Variants in ZNF286A observed in about 807,000 individuals in gnomAD.
ZNF286A encodes the protein zinc finger protein 286A, also known as zinc finger protein ZNF286.
Under a neutral mutation model 49.3 loss-of-function variants are expected in ZNF286A, and 34 were observed. That is an observed-to-expected ratio of 0.69 (90% CI 0.52 to 0.92). ZNF286A has a LOEUF of 0.92. Among genes scored for constraint, ZNF286A ranks in the 40% least tolerant of loss-of-function variants. The pLI is 0.00. For synonymous variants in ZNF286A, 155 were observed against 200.4 expected (o/e 0.77, Z 1.91); for missense variants, 462 against 600.2 (o/e 0.77, Z 2.41).
chr17:15,711,866 C>T (rs559963724), intron 5 of ZNF286A, among the ~76,000 whole-genome samples: 2 of 103,502 alleles, frequency 1.9e-5, no homozygotes, highest in East Asian at 6.3e-4. Flanking sequence ...ATCTGCCCCC[C>T]CCCCGGCTTT....
chr17:15,713,802 A>G (rs1289212505), intron 5 of ZNF286A, among the ~76,000 whole-genome samples: 1 of 141,798 alleles, frequency 7.1e-6, no homozygotes, highest in Non-Finnish European at 1.6e-5. Context: ...GGTAAATAGA[A>G]GTTTTCCAAA....
At position 15,719,302 on chromosome 17, in the gene ZNF286A, T is replaced by A. The variant is rs1967256167; in HGVS notation, c.*2012T>A. ...CCACCTGTTTCTCAGAAGAAAATTTTATTGGAACTCAGCCACACTTACTCA... is the reference window on the plus strand; with the variant it reads ...CCACCTGTTTCTCAGAAGAAAATTTAATTGGAACTCAGCCACACTTACTCA... On this transcript the variant is annotated 3_prime_UTR_variant, in exon 6 of 6. Coordinates refer to ENST00000583566, the MANE Select transcript of ZNF286A (RefSeq NM_001130842.2). The A allele has an allele frequency of 7.5e-6, 1 of 133,386 alleles. No homozygotes were observed. Among genetic ancestry groups the A allele is most frequent in the Admixed American group, 7.4e-5 (1 of 13,448 alleles). 8.3% of individuals were successfully genotyped at this position (133,386 alleles called of 1,614,324 possible).
rs1408177066 is a variant in ZNF286A at position 15,718,978 on chromosome 17, ACT to A, written c.*1691_*1692del. The A allele has an allele frequency of 7.8e-6, 1 of 127,832 alleles. No individual in the cohort carries two copies. The highest frequency in any genetic ancestry group is 3.2e-5 in the African/African-American group (1 of 30,928). The allele number at this position is 127,832 out of a possible 1,614,324, so 7.9% of individuals were successfully genotyped here. ...TTTTATGCAACCAAATCTCATGAGAACTCTATCACGAGACAGCAGTAGGGGGA... is the reference window on the plus strand; with the variant it reads ...TTTTATGCAACCAAATCTCATGAGAACTATCACGAGACAGCAGTAGGGGGA... On this transcript the variant is annotated 3_prime_UTR_variant, in exon 6 of 6. Coordinates refer to ENST00000583566, the MANE Select transcript of ZNF286A (RefSeq NM_001130842.2).
rs773583358 is a variant in ZNF286A at position 15,717,107 on chromosome 17, T to G, written c.1383T>G (p.Ile461Met). Reference protein sequence around the residue: ...SNFAKHQRIHIGKKPYKCSEC... With the variant: ...SNFAKHQRIHMGKKPYKCSEC... ...TTGCTAAACATCAAAGAATTCATAT[T>G]GGAAAGAAACCGTACAAATGTAGCG... Residue 461 changes from isoleucine to methionine, a missense_variant, in exon 6 of 6, where the codon ATT (isoleucine) becomes ATG (methionine). By Grantham distance (10) the Ile-to-Met change is conservative. Transcript: ENST00000583566. 4 of 1,613,884 alleles carry G rather than the reference T, an allele frequency of 2.5e-6. No homozygotes were observed. Among genetic ancestry groups the G allele is most frequent in the Non-Finnish European group, 2.5e-6 (3 of 1,180,016 alleles).
chr17:15,707,128 T>C (rs572721057), intron 4 of ZNF286A, among the ~76,000 whole-genome samples: 2 of 152,130 alleles, frequency 1.3e-5, no homozygotes, highest in Admixed American at 6.5e-5. Flanking sequence ...AAACCTTATG[T>C]AAAAAAATCC....
chr17:15,701,221 G>T lies in ZNF286A; in HGVS notation c.107G>T (p.Arg36Leu). 4.3e-6 allele frequency: 7 copies of T among 1,614,062 alleles called. No homozygotes were observed. The highest frequency in any genetic ancestry group is 5.9e-6 in the Non-Finnish European group (7 of 1,180,014). ...GAAGAGGGAGAAGTGGCTGCTCTGCGCCTCACGGCCAGATCCCAGGTGAGT... is the reference window on the plus strand; with the variant it reads ...GAAGAGGGAGAAGTGGCTGCTCTGCTCCTCACGGCCAGATCCCAGGTGAGT... Reference protein sequence around the residue: ...STEEGEVAALRLTARSQETVT... With the variant: ...STEEGEVAALLLTARSQETVT... Residue 36 changes from arginine to leucine, a missense_variant, in exon 3 of 6, where the codon CGC becomes CTC. Transcript: ENST00000583566.
At position 15,716,681 on chromosome 17, in the gene ZNF286A, T is replaced by C. The variant is rs779221657; in HGVS notation, c.957T>C (p.Ile319=). 3.7e-6 allele frequency: 6 copies of C among 1,613,882 alleles called. No individual in the cohort carries two copies. Among genetic ancestry groups the C allele is most frequent in the Middle Eastern group, 3.3e-4 (2 of 6,082 alleles). The change falls in exon 6 of 6, where the codon ATT becomes ATC. Residue 319 remains isoleucine, a synonymous_variant. Transcript: ENST00000583566. ...ESSSLATHQR[I]HVGERPYECN... ...CATCCCTTGCAACACATCAGAGAAT[T>C]CACGTTGGAGAGAGACCTTATGAAT...
chr17:15,709,921 T>G, intron 5 of ZNF286A: 1 of 1,523,356 alleles, frequency 6.6e-7, no homozygotes, highest in Non-Finnish European at 8.8e-7. Flanking sequence ...ATCACATGTT[T>G]AGCTTTACTA....
intron 5 of ZNF286A, chr17:15,711,486 T>C (rs1990642870): frequency 6.6e-6 from 1 of 152,180 alleles, no homozygotes; most frequent in South Asian, 2.1e-4. Flanking sequence ...ACTTGAGTAC[T>C]TACATGGGCC....
intron 5 of ZNF286A, among the ~76,000 whole-genome samples, chr17:15,714,602 A>G (rs1308720943): frequency 1.3e-5 from 2 of 152,146 alleles, no homozygotes; most frequent in Non-Finnish European, 1.5e-5. Context: ...TCTCTTACAC[A>G]TAAGGAAACC....
chr17:15,707,467 T>A (rs1257571277), intron 4 of ZNF286A, among the ~76,000 whole-genome samples: 1 of 151,552 alleles, frequency 6.6e-6, no homozygotes, highest in Non-Finnish European at 1.5e-5. Flanking sequence ...GAAAGTGACT[T>A]CTAATAACTG....
At chr17:15,704,590 G>T in intron 3 of ZNF286A, 4 of 1,614,072 alleles carry the variant, frequency 2.5e-6, no homozygotes, top group Non-Finnish European at 3.4e-6. Flanking sequence ...CAGCTCAGCC[G>T]TCCAGTCCCT....
In ZNF286A at chr17:15,701,337, C is replaced by T. The variant is rs539448250; in HGVS notation, c.126+97C>T. The T allele has an allele frequency of 1.2e-3, 1,215 of 1,054,864 alleles. 2 individuals are homozygous for T. Among genetic ancestry groups the T allele is most frequent in the Non-Finnish European group, 1.2e-3 (893 of 718,304 alleles). The allele number at this position is 1,054,864 out of a possible 1,614,324, so 65.3% of individuals were successfully genotyped here. On this transcript the variant is annotated intron_variant, in intron 3 of 5. Transcript: ENST00000583566. ...TGGAGTTTCTTTATCCACTAAAGCC[C>T]ATCTGCAGAGCTGAGTTCTAAATCT...
chr17:15,707,206 C>T (rs1377033071), intron 4 of ZNF286A, among the ~76,000 whole-genome samples: 2 of 151,724 alleles, frequency 1.3e-5, no homozygotes, highest in South Asian at 2.1e-4. Flanking sequence ...TTTGGGAGGC[C>T]GAGGCGGGTG....
chr17:15,706,710 C>T (rs1447194309), intron 4 of ZNF286A, among the ~76,000 whole-genome samples: 1 of 152,116 alleles, frequency 6.6e-6, no homozygotes, highest in Non-Finnish European at 1.5e-5. Flanking sequence ...GTTTAAGTGA[C>T]AGAAACTTAA....
Position 15,702,430 on chromosome 17 carries a change from A to G in ZNF286A, c.126+1190A>G, listed in dbSNP as rs1474977804. On this transcript the variant is annotated intron_variant, in intron 3 of 5. Coordinates refer to ENST00000583566, the MANE Select transcript of ZNF286A (RefSeq NM_001130842.2). ...CTCCGGAGACTGAGGCATGAGAATC[A>G]CTTGAACCCAGGAGGCAGAGGTTGC... Among the ~76,000 whole-genome samples the G allele has an allele frequency of 2.0e-5, 3 of 151,424 alleles. No individual in the cohort carries two copies. In the South Asian group the frequency reaches 6.3e-4, roughly 32 times the overall value.
Position 15,716,795 on chromosome 17 carries a change from T to G in ZNF286A, c.1071T>G (p.Asn357Lys). ...IHTGVKPYECNECDKAFIHSS... is the reference protein window; with the variant it reads ...IHTGVKPYECKECDKAFIHSS... Reference sequence around the variant, plus strand: ...CTGGAGTGAAGCCTTATGAATGTAATGAATGTGATAAAGCTTTTATTCATT... The same window carrying G: ...CTGGAGTGAAGCCTTATGAATGTAAGGAATGTGATAAAGCTTTTATTCATT... The change falls in exon 6 of 6, where the codon AAT (asparagine) becomes AAG (lysine). Residue 357 changes from asparagine to lysine, a missense_variant. By Grantham distance (94) the Asn-to-Lys change is moderately conservative (BLOSUM62 0). This residue lies in a region of ZNF286A where 201 missense variants were observed against 311.3 expected (regional missense o/e 0.65). Transcript: ENST00000583566. 1 of 1,613,942 alleles carries G rather than the reference T, an allele frequency of 6.2e-7. No homozygotes were observed. Among genetic ancestry groups the G allele is most frequent in the Admixed American group, 1.7e-5 (1 of 60,020 alleles).
At position 15,710,352 on chromosome 17, in the gene ZNF286A, A is replaced by G. The variant is rs575025899; in HGVS notation, c.334+2105A>G. Reference sequence around the variant, plus strand: ...ACTTTATCCCAGTGTCAGAAAGATTATTTTATTCCAAAATGTTCAATTTTG... The same window carrying G: ...ACTTTATCCCAGTGTCAGAAAGATTGTTTTATTCCAAAATGTTCAATTTTG... On this transcript the variant is annotated intron_variant, in intron 5 of 5. Coordinates refer to ENST00000583566, the MANE Select transcript of ZNF286A (RefSeq NM_001130842.2). 4.6e-5 allele frequency among the ~76,000 whole-genome samples: 7 copies of G among 152,258 alleles called. 1 individual carries two copies. The South Asian group carries it at 1.4e-3, about 32-fold the overall frequency.
At position 15,717,125 on chromosome 17, in the gene ZNF286A, A is replaced by G; in HGVS notation, c.1401A>G (p.Lys467=). 2 of 1,613,944 alleles carry G rather than the reference A, an allele frequency of 1.2e-6. No homozygotes were observed. Among genetic ancestry groups the G allele is most frequent in the Non-Finnish European group, 8.5e-7 (1 of 1,179,980 alleles). Residue 467 remains lysine (K), a synonymous_variant, in exon 6 of 6, where the codon AAA becomes AAG. Coordinates refer to ENST00000583566, the MANE Select transcript of ZNF286A (RefSeq NM_001130842.2). ...QRIHIGKKPY[K]CSECGKAFIH... is the part of the protein sequence containing the mutation. ...TTCATATTGGAAAGAAACCGTACAAATGTAGCGAGTGTGGAAAAGCCTTCA... is the reference window on the plus strand; with the variant it reads ...TTCATATTGGAAAGAAACCGTACAAGTGTAGCGAGTGTGGAAAAGCCTTCA...
Sources: gnomAD v4.1 joint callset for allele counts (sites outside exome capture counted in the v4.1 genomes callset) on GRCh38, gnomAD v4.1.1 for gene constraint, gnomAD v4.1.1 regional missense constraint, MANE v1.5 for transcripts, NCBI Gene and HGNC (gene_info 2026-07-23, HGNC 2026-07-21) for gene names.